Variants in DIXDC1 observed in about 807,000 individuals in gnomAD.
DIXDC1 encodes the protein DIX domain containing 1, also known as dixin.
Under a neutral mutation model 103.1 loss-of-function variants are expected in DIXDC1, and 64 were observed. The ratio of observed to expected loss-of-function variants is 0.62; its 90% CI spans 0.51 to 0.76. The LOEUF (loss-of-function observed/expected upper bound fraction) is 0.76, where lower values mean the gene tolerates loss of function less well. Among genes scored for constraint, DIXDC1 ranks in the 30% least tolerant of loss-of-function variants. The pLI is 0.00. For synonymous variants in DIXDC1, 266 were observed against 298.5 expected (o/e 0.89, Z 1.12); for missense variants, 759 against 834.2 (o/e 0.91, Z 1.11).
intron 1 of DIXDC1, among the ~76,000 whole-genome samples, chr11:111,955,804 A>C (rs1477866331): frequency 5.8e-5 from 8 of 139,130 alleles, no homozygotes; most frequent in African/African-American, 2.3e-4. Context: ...ACTGCATTCC[A>C]GCCTAGGTGA....
intron 17 of DIXDC1, among the ~76,000 whole-genome samples, chr11:112,010,014 A>C (rs1280039535): frequency 1.3e-5 from 2 of 152,160 alleles, no homozygotes; most frequent in Non-Finnish European, 2.9e-5. Flanking sequence ...AAGAGGAAGT[A>C]AAATTGTCTA....
intron 1 of DIXDC1, chr11:111,946,747 C>T: frequency 2.1e-6 from 1 of 474,930 alleles, no homozygotes; most frequent in South Asian, 1.5e-5. Context: ...TCGGCCTGGG[C>T]ACACGCCACA....
At chr11:111,984,137 C>T (rs1860412742) in intron 7 of DIXDC1, among the ~76,000 whole-genome samples, 1 of 152,116 alleles carries the variant, frequency 6.6e-6, no homozygotes, top group Non-Finnish European at 1.5e-5. Flanking sequence ...TTTCACTGAC[C>T]TGATAGATAC....
chr11:111,984,038 G>T (rs587749964), intron 7 of DIXDC1, among the ~76,000 whole-genome samples: 2 of 152,220 alleles, frequency 1.3e-5, no homozygotes, highest in South Asian at 4.1e-4. Flanking sequence ...TCTTATATAT[G>T]TCTGTACCTG....
intron 15 of DIXDC1, 112 bp from the exon 16 acceptor site, chr11:111,995,291 C>G (rs10789855): frequency 0.36 from 516,502 of 1,445,974 alleles, 96,010 homozygotes; most frequent in East Asian, 0.58. Context: ...AACCATAGGC[C>G]TGCTTCTGTG....
chr11:112,013,883 GA>G (rs1435202552), intron 17 of DIXDC1, among the ~76,000 whole-genome samples: 8 of 152,196 alleles, frequency 5.3e-5, no homozygotes, highest in Non-Finnish European at 1.2e-4. Flanking sequence ...GGCATCTGGT[GA>G]AAGCCTCAAT....
upstream of DIXDC1, chr11:111,937,127 C>CGGGT (rs200146124): frequency 5.8e-6 from 3 of 519,634 alleles, no homozygotes; most frequent in Non-Finnish European, 4.4e-6. Flanking sequence ...TGCTGCGGCC[C>CGGGT]GGGCGGGGGG....
intron 1 of DIXDC1, among the ~76,000 whole-genome samples, chr11:111,954,450 G>GC (rs1277169959): frequency 6.6e-6 from 1 of 152,192 alleles, no homozygotes; most frequent in Non-Finnish European, 1.5e-5. Flanking sequence ...TGGACCAGAT[G>GC]CCTGTCCTAA....
intron 1 of DIXDC1, among the ~76,000 whole-genome samples, chr11:111,940,255 T>A (rs782314554): frequency 2.0e-5 from 3 of 152,254 alleles, no homozygotes; most frequent in Non-Finnish European, 2.9e-5. Flanking sequence ...GGCCTCAACA[T>A]GTCTGGCAAA....
chr11:112,000,100 A>C (rs1337762301), intron 17 of DIXDC1, among the ~76,000 whole-genome samples: 1 of 152,150 alleles, frequency 6.6e-6, no homozygotes, highest in Non-Finnish European at 1.5e-5. Flanking sequence ...GCGCCACTGC[A>C]CTCCAGCCTA....
At chr11:111,971,400 A>G (rs1212009966) in intron 3 of DIXDC1, among the ~76,000 whole-genome samples, 3 of 152,344 alleles carry the variant, frequency 2.0e-5, no homozygotes, top group Non-Finnish European at 4.4e-5. Context: ...CAAAACCACA[A>G]TGAGATACTA....
chr11:111,949,225 C>T (rs1433113609), intron 1 of DIXDC1, among the ~76,000 whole-genome samples: 1 of 152,052 alleles, frequency 6.6e-6, no homozygotes, highest in South Asian at 2.1e-4. Flanking sequence ...TCTCCCACCC[C>T]GCCCCCAGCT....
At chr11:112,003,894 C>T (rs1015837879) in intron 17 of DIXDC1, among the ~76,000 whole-genome samples, 1 of 151,092 alleles carries the variant, frequency 6.6e-6, no homozygotes, top group Non-Finnish European at 1.5e-5. Context: ...CAAAATAACA[C>T]GAGCCAGGCA....
chr11:111,965,075 T>A (rs912493376), intron 2 of DIXDC1, among the ~76,000 whole-genome samples: 2 of 152,128 alleles, frequency 1.3e-5, no homozygotes, highest in Admixed American at 1.3e-4. Flanking sequence ...ATATCTCAAC[T>A]GAGGCCTACC....
intron 1 of DIXDC1, among the ~76,000 whole-genome samples, chr11:111,951,633 G>A (rs1331078023): frequency 6.6e-6 from 1 of 152,126 alleles, no homozygotes; most frequent in Non-Finnish European, 1.5e-5. Flanking sequence ...ATTCCCACGT[G>A]TTGTGGGACC....
intron 1 of DIXDC1, among the ~76,000 whole-genome samples, chr11:111,942,482 A>G (rs1291740597): frequency 6.6e-6 from 1 of 152,212 alleles, no homozygotes; most frequent in Non-Finnish European, 1.5e-5. Flanking sequence ...GATATTAGCT[A>G]GATGTGGTAA....
intron 17 of DIXDC1, among the ~76,000 whole-genome samples, chr11:112,009,614 A>G (rs587747965): frequency 1.3e-5 from 2 of 152,312 alleles, no homozygotes; most frequent in Admixed American, 6.5e-5. Context: ...ATCCACCACA[A>G]TCAAGTCAGC....
At chr11:112,003,662 G>T (rs1391566688) in intron 17 of DIXDC1, among the ~76,000 whole-genome samples, 1 of 151,916 alleles carries the variant, frequency 6.6e-6, no homozygotes, top group African/African-American at 2.4e-5. Context: ...AGCCAGGCGT[G>T]GTGGTGCATG....
chr11:112,017,613 C>T lies in DIXDC1; in HGVS notation c.1863-164C>T, dbSNP rs113210742. 3.8e-3 allele frequency: 1,931 copies of T among 507,244 alleles called. 50 individuals are homozygous for T. The highest frequency in any genetic ancestry group is 0.035 in the African/African-American group (1,803 of 51,824). The allele number at this position is 507,244 out of a possible 1,614,324, so 31.4% of individuals were successfully genotyped here. A position where few individuals can be genotyped will look rare whatever the true frequency, so the allele number is the denominator to read the frequency against. ...TTTCATTCCCTAGTGATGACTGGTT[C>T]TCCAGCCTCTGCTGTTTTAGTCATC... is the stretch of plus-strand genomic sequence containing the variant. On this transcript the variant is annotated intron_variant, in intron 18 of 19. Transcript: ENST00000440460. The surrounding 1 kb of genome is among the most constrained non-coding windows in gnomAD (Gnocchi z 4.0).
Sources: allele counts gnomAD v4.1 joint callset (sites outside exome capture counted in the v4.1 genomes callset), GRCh38; gene constraint gnomAD v4.1.1; non-coding constraint Gnocchi (gnomAD v3.1); transcripts MANE v1.5; gene names NCBI Gene and HGNC (gene_info 2026-07-23, HGNC 2026-07-21).